Variants in SRGAP1 observed in about 807,000 individuals in gnomAD.
SRGAP1 encodes SLIT-ROBO Rho GTPase-activating protein 1.
Under a neutral mutation model 121.9 loss-of-function variants are expected in SRGAP1, and 43 were observed. The ratio of observed to expected loss-of-function variants is 0.35; its 90% confidence interval spans 0.28 to 0.46. The LOEUF (loss-of-function observed/expected upper bound fraction) is 0.46. SRGAP1 is among the 20% of genes least tolerant of loss of function. SRGAP1 has a pLI of 1.00. For synonymous variants in SRGAP1, 447 were observed against 485.4 expected (o/e 0.92, Z 1.04); for missense variants, 1,102 against 1,350.9 (o/e 0.82, Z 2.89).
intron 1 of SRGAP1, among the ~76,000 whole-genome samples, chr12:63,893,797 A>G (rs1900662638): frequency 6.6e-6 from 1 of 152,200 alleles, no homozygotes; most frequent in Admixed American, 6.5e-5. Context: ...ATCTGACATT[A>G]CTATGGAGTT....
intron 1 of SRGAP1, among the ~76,000 whole-genome samples, chr12:63,979,106 C>T (rs1593000158): frequency 3.2e-5 from 4 of 123,852 alleles, no homozygotes; most frequent in African/African-American, 1.2e-4. Flanking sequence ...GTGGCACGAT[C>T]TTGGCTTACT....
intron 21 of SRGAP1, among the ~76,000 whole-genome samples, chr12:64,129,093 G>A (rs568718422): frequency 2.0e-5 from 3 of 149,528 alleles, no homozygotes; most frequent in African/African-American, 5.1e-5. Flanking sequence ...GCAAAATCCC[G>A]TGTCTAAAAA....
chr12:63,900,204 C>CTTTTTTTTCTTTTTTTTTTTTTTTT (rs755464707), intron 1 of SRGAP1, among the ~76,000 whole-genome samples: 49 of 87,514 alleles, frequency 5.6e-4, no homozygotes, highest in Non-Finnish European at 8.2e-4. Flanking sequence ...TTTTCTTTTT[C>CTTTTTTTTCTTTTTTTTTTTTTTTT]TTTTTTTTTT....
intron 1 of SRGAP1, among the ~76,000 whole-genome samples, chr12:63,964,212 A>G (rs751147430): frequency 1.7e-4 from 26 of 152,220 alleles, no homozygotes; most frequent in Non-Finnish European, 1.2e-4. Context: ...TAGGATTGGT[A>G]TAGAATTTAA....
rs558248193 is a variant in SRGAP1 at position 64,044,674 on chromosome 12, C to CTTTTTTTTTTTTTTT, written c.801+1110_801+1124dup. 8.5e-3 allele frequency among the ~76,000 whole-genome samples: 609 copies of CTTTTTTTTTTTTTTT among 72,050 alleles called. 100 individuals carry two copies. The highest frequency in any genetic ancestry group is 0.011 in the Non-Finnish European group (372 of 34,652). The allele number at this position is 72,050 out of a possible 152,430, so 47.3% of individuals were successfully genotyped here. A position where few individuals can be genotyped will look rare whatever the true frequency, so the allele number is the denominator to read the frequency against. On this transcript the variant is annotated intron_variant, in intron 6 of 21. Transcript: ENST00000355086. Reference sequence around the variant, plus strand: ...AGCTTATTAACACTCTGATGTGCCTCTTTTTTTTTTTTTTTTTTTTTTTTT... The same window carrying CTTTTTTTTTTTTTTT: ...AGCTTATTAACACTCTGATGTGCCTCTTTTTTTTTTTTTTTTTTTTTTTTTTTTTTTTTTTTTTTT...
At chr12:64,008,832 G>A (rs1391288851) in intron 3 of SRGAP1, among the ~76,000 whole-genome samples, 1 of 152,112 alleles carries the variant, frequency 6.6e-6, no homozygotes, top group East Asian at 1.9e-4. Context: ...TTTCCTGCTT[G>A]TTGATTTGCT....
chr12:63,993,712 CT>C lies in SRGAP1; in HGVS notation c.426+3641del, dbSNP rs144206032. ...AGCAGGTAATTTCAGGAATTTTTTTCTGTCTAAATGGATATAATAATCAAGA... is the reference window on the plus strand; with the variant it reads ...AGCAGGTAATTTCAGGAATTTTTTTCGTCTAAATGGATATAATAATCAAGA... On this transcript the variant is annotated intron_variant, in intron 3 of 21. Transcript: ENST00000355086. Among the ~76,000 whole-genome samples the C allele has an allele frequency of 7.0e-3, 1,066 of 152,150 alleles. 19 individuals are homozygous for C. Among genetic ancestry groups the C allele is most frequent in the African/African-American group, 0.024 (1,008 of 41,518 alleles).
intron 1 of SRGAP1, among the ~76,000 whole-genome samples, chr12:63,962,203 T>C (rs1305057113): frequency 6.6e-6 from 1 of 152,216 alleles, no homozygotes; most frequent in Non-Finnish European, 1.5e-5. Flanking sequence ...CACTGTAATA[T>C]TGAATATTCC....
At chr12:63,992,996 A>G (rs1166343131) in intron 3 of SRGAP1, among the ~76,000 whole-genome samples, 1 of 152,184 alleles carries the variant, frequency 6.6e-6, no homozygotes, top group African/African-American at 2.4e-5. Context: ...CAAACACAGC[A>G]GACTACAGAC....
chr12:63,928,112 C>T (rs2031328300), intron 1 of SRGAP1, among the ~76,000 whole-genome samples: 1 of 152,022 alleles, frequency 6.6e-6, no homozygotes, highest in East Asian at 1.9e-4. Flanking sequence ...TTGTCTTTTC[C>T]TTTTTCAGCC....
At chr12:64,003,880 C>T (rs1253972307) in intron 3 of SRGAP1, among the ~76,000 whole-genome samples, 2 of 152,176 alleles carry the variant, frequency 1.3e-5, no homozygotes, top group African/African-American at 4.8e-5. Flanking sequence ...TAGATGAACC[C>T]AAAGGAGTCC....
chr12:64,109,909 T>C (rs1449793228), intron 16 of SRGAP1, among the ~76,000 whole-genome samples: 1 of 152,174 alleles, frequency 6.6e-6, no homozygotes, highest in African/African-American at 2.4e-5. Context: ...CCCACTCAGC[T>C]TGACCCCAAG....
chr12:64,141,339 TG>T (rs1241774420), intron 21 of SRGAP1, among the ~76,000 whole-genome samples: 2 of 151,002 alleles, frequency 1.3e-5, no homozygotes, highest in Non-Finnish European at 2.9e-5. Flanking sequence ...CCCAGCACTT[TG>T]GGAGGCCAAG....
rs117100756 is a variant in SRGAP1 at position 63,893,780 on chromosome 12, T to C, written c.67+48897T>C. 9.8e-4 allele frequency among the ~76,000 whole-genome samples: 149 copies of C among 152,366 alleles called. 1 individual carries two copies. Among genetic ancestry groups the C allele is most frequent in the Non-Finnish European group, 1.8e-3 (124 of 68,030 alleles). ...ACTATTTGTCAGAGCTTTGTTACTC[T>C]AATTACATCTGACATTACTATGGAG... On this transcript the variant is annotated intron_variant, in intron 1 of 21. Transcript: ENST00000355086.
chr12:63,988,664 A>G (rs549813227), intron 2 of SRGAP1, among the ~76,000 whole-genome samples: 1 of 152,330 alleles, frequency 6.6e-6, no homozygotes, highest in East Asian at 1.9e-4. Context: ...TCCTAACTTA[A>G]TTAATATTCA....
At chr12:64,009,073 A>C (rs2034178297) in intron 3 of SRGAP1, among the ~76,000 whole-genome samples, 2 of 152,162 alleles carry the variant, frequency 1.3e-5, no homozygotes, top group Admixed American at 6.5e-5. Flanking sequence ...TGCAGGCTCA[A>C]GTTCATGCAC....
intron 15 of SRGAP1, among the ~76,000 whole-genome samples, chr12:64,100,719 C>T (rs2036240153): frequency 6.6e-6 from 1 of 152,088 alleles, no homozygotes; most frequent in Admixed American, 6.6e-5. Flanking sequence ...ATAGAACAAC[C>T]CCTTTTCCTC....
chr12:64,047,332 T>C (rs2035150673), intron 6 of SRGAP1, among the ~76,000 whole-genome samples: 1 of 152,180 alleles, frequency 6.6e-6, no homozygotes. Flanking sequence ...GCATATATAG[T>C]AGTGATCCTA....
At chr12:63,979,203 C>G (rs1195834404) in intron 1 of SRGAP1, among the ~76,000 whole-genome samples, 4 of 151,982 alleles carry the variant, frequency 2.6e-5, no homozygotes. Context: ...CCACGCCCAG[C>G]TAATTTTTGT....
Sources: allele counts gnomAD v4.1 joint callset (sites outside exome capture counted in the v4.1 genomes callset), GRCh38; gene constraint gnomAD v4.1.1; transcripts MANE v1.5; gene names NCBI Gene and HGNC (gene_info 2026-07-23, HGNC 2026-07-21).